The following CSMD1 variants were observed in gnomAD, a reference collection of about 807,000 sequenced individuals.
CSMD1 encodes CUB and Sushi multiple domains 1.
Under a neutral mutation model 417.5 loss-of-function variants are expected in CSMD1, and 213 were observed. That is an observed-to-expected ratio of 0.51 (90% confidence interval 0.46 to 0.57). The LOEUF (loss-of-function observed/expected upper bound fraction) is 0.57, where lower values mean the gene tolerates loss of function less well. Ranked by LOEUF, CSMD1 falls within the 20% of genes least tolerant of loss-of-function variation. The probability of loss-of-function intolerance (pLI) is 0.00; values close to 1 mark genes in which losing one functional copy is unlikely to be tolerated. For synonymous variants in CSMD1, 2,862 were observed against 1,736.8 expected (o/e 1.65, Z -16.11); for missense variants, 6,923 against 4,529.7 (o/e 1.53, Z -15.17).
chr8:4,821,210 A>G (rs1295231770), intron 1 of CSMD1, among the ~76,000 whole-genome samples: 2 of 152,190 alleles, frequency 1.3e-5, no homozygotes, highest in Admixed American at 1.3e-4. Flanking sequence ...ACGTCATGGA[A>G]GGAAAAACAT....
At chr8:3,729,335 A>G (rs1408871749) in intron 6 of CSMD1, among the ~76,000 whole-genome samples, 2 of 152,132 alleles carry the variant, frequency 1.3e-5, no homozygotes, top group Non-Finnish European at 1.5e-5. Context: ...CTTCGGAGTG[A>G]GACTTTGCCA....
chr8:4,108,440 T>C (rs918654920), intron 3 of CSMD1, among the ~76,000 whole-genome samples: 4 of 152,200 alleles, frequency 2.6e-5, no homozygotes, highest in Admixed American at 1.3e-4. Flanking sequence ...TGTTCATCAT[T>C]TGCTCATGAA....
At chr8:4,398,673 G>C (rs750341951) in intron 3 of CSMD1, among the ~76,000 whole-genome samples, 1 of 152,048 alleles carries the variant, frequency 6.6e-6, no homozygotes, top group Non-Finnish European at 1.5e-5. Context: ...GGGATTACAG[G>C]CATGAGCCAT....
intron 23 of CSMD1, among the ~76,000 whole-genome samples, chr8:3,338,957 G>A (rs948097257): frequency 1.9e-4 from 29 of 150,724 alleles, no homozygotes; most frequent in Non-Finnish European, 3.7e-4. Context: ...CTAGCATTAC[G>A]TATATCTCCC....
At chr8:3,837,016 T>C (rs1047307968) in intron 5 of CSMD1, among the ~76,000 whole-genome samples, 2 of 151,994 alleles carry the variant, frequency 1.3e-5, no homozygotes, top group Non-Finnish European at 2.9e-5. Context: ...GTGAAGTTAC[T>C]CCCTTCTTGG....
intron 2 of CSMD1, among the ~76,000 whole-genome samples, chr8:4,561,651 C>T (rs749447304): frequency 7.9e-5 from 12 of 152,148 alleles, no homozygotes; most frequent in Non-Finnish European, 1.5e-4. Flanking sequence ...TACTGCAATC[C>T]AGCCTGGATG....
In CSMD1 at chr8:3,601,340, G is replaced by C. The variant is rs375088553; in HGVS notation, c.1098-15080C>G. On this transcript the variant is annotated intron_variant, in intron 8 of 69. Transcript: ENST00000635120. Reference sequence around the variant, plus strand: ...CTTCTGCAGACATATAGGAGCTGTAGAAGGCAGCAGATACTGAAAGTGTTT... The same window carrying C: ...CTTCTGCAGACATATAGGAGCTGTACAAGGCAGCAGATACTGAAAGTGTTT... Among the ~76,000 whole-genome samples, 220 of 152,326 alleles carry C rather than the reference G, an allele frequency of 1.4e-3. 1 individual carries two copies. Among genetic ancestry groups the C allele is most frequent in the African/African-American group, 4.9e-3 (205 of 41,566 alleles).
rs1406723579 is a variant in CSMD1, at chr8:4,836,205, C to G, written c.85+158127G>C. 9.2e-5 allele frequency among the ~76,000 whole-genome samples: 14 copies of G among 152,310 alleles called. No homozygotes were observed. In the East Asian group the frequency reaches 1.9e-3, roughly 21 times the overall value. On this transcript the variant is annotated intron_variant, in intron 1 of 69. Coordinates refer to ENST00000635120, the MANE Select transcript of CSMD1 (RefSeq NM_033225.6). ...ATTGTGAATTGATTCAGGCATTCAT[C>G]TACCTTGAGGTATTAGATAGGTTAA... is the stretch of plus-strand genomic sequence containing the variant.
At chr8:4,707,584 G>A (rs1253429274) in intron 1 of CSMD1, among the ~76,000 whole-genome samples, 2 of 151,928 alleles carry the variant, frequency 1.3e-5, no homozygotes, top group African/African-American at 4.8e-5. Context: ...TACTGCAAAC[G>A]AGCAACAAGA....
At chr8:3,778,494 T>C (rs1260826131) in intron 5 of CSMD1, among the ~76,000 whole-genome samples, 6 of 152,212 alleles carry the variant, frequency 3.9e-5, no homozygotes, top group Non-Finnish European at 5.9e-5. Context: ...GGTAGTCCCA[T>C]TGCCCCCATC....
In CSMD1 at chr8:3,753,959, C is replaced by A. The variant is rs573237339; in HGVS notation, c.902G>T (p.Arg301Leu). 6.2e-7 allele frequency: 1 copy of A among 1,611,580 alleles called. No individual in the cohort carries two copies. The highest frequency in any genetic ancestry group is 8.5e-7 in the Non-Finnish European group (1 of 1,178,820). ...GAACTGAGCGTTAAATCCTTTGCGT[C>A]GGTGGTTGCTGTCAGAGGTGAAATG... ...RLHFTSDSNH[R>L]RKGFNAQFQV... Residue 301 changes from arginine to leucine, a missense_variant, in exon 6 of 70, where the codon CGA becomes CTA. By Grantham distance (102) the Arg-to-Leu change is moderately radical (BLOSUM62 -2). Coordinates refer to ENST00000635120, the MANE Select transcript of CSMD1 (RefSeq NM_033225.6).
chr8:4,454,285 C>T (rs999432840), intron 2 of CSMD1, among the ~76,000 whole-genome samples: 3 of 152,166 alleles, frequency 2.0e-5, no homozygotes, highest in Non-Finnish European at 2.9e-5. Flanking sequence ...CTCCTGACTT[C>T]GGTGGACACC....
intron 2 of CSMD1, among the ~76,000 whole-genome samples, chr8:4,596,466 T>C (rs1276583572): frequency 1.3e-5 from 2 of 152,188 alleles, no homozygotes; most frequent in Admixed American, 6.5e-5. Context: ...ATAATTTTCA[T>C]CATAGACATA....
intron 3 of CSMD1, among the ~76,000 whole-genome samples, chr8:4,334,997 G>C (rs183568436): frequency 3.3e-5 from 5 of 152,120 alleles, no homozygotes; most frequent in African/African-American, 1.2e-4. Flanking sequence ...TTTAAGCTCC[G>C]TTGCCTAAGT....
At chr8:3,482,924 G>C (rs894203859) in intron 11 of CSMD1, among the ~76,000 whole-genome samples, 2 of 151,996 alleles carry the variant, frequency 1.3e-5, no homozygotes, top group African/African-American at 2.4e-5. Context: ...GAAATACATA[G>C]AATGAAGTTA....
intron 3 of CSMD1, among the ~76,000 whole-genome samples, chr8:4,376,498 A>G (rs956831858): frequency 3.9e-5 from 6 of 152,232 alleles, no homozygotes; most frequent in Admixed American, 1.3e-4. Flanking sequence ...TTATATGAAT[A>G]GACCATTATT....
chr8:4,292,292 G>A (rs553642873), intron 3 of CSMD1, among the ~76,000 whole-genome samples: 79 of 152,088 alleles, frequency 5.2e-4, no homozygotes, highest in Non-Finnish European at 9.1e-4. Context: ...TCGCTCTGTC[G>A]CCCAGGCTGG....
chr8:4,305,235 T>C (rs1000005279), intron 3 of CSMD1, among the ~76,000 whole-genome samples: 2 of 152,162 alleles, frequency 1.3e-5, no homozygotes, highest in African/African-American at 4.8e-5. Context: ...GCCAGCAAAC[T>C]TTGAGGCTTA....
chr8:3,595,939 C>G (rs1801071520), intron 8 of CSMD1, among the ~76,000 whole-genome samples: 3 of 152,154 alleles, frequency 2.0e-5, no homozygotes, highest in Admixed American at 2.0e-4. Context: ...AGCCCCTCTC[C>G]CATCTTCTTC....
Sources: allele counts gnomAD v4.1 joint callset (sites outside exome capture counted in the v4.1 genomes callset), GRCh38; gene constraint gnomAD v4.1.1; transcripts MANE v1.5; gene names NCBI Gene and HGNC (gene_info 2026-07-23, HGNC 2026-07-21).